SLC38A10: variants seen among roughly 807,000 people sequenced by gnomAD.
SLC38A10 encodes the protein Sodium-coupled neutral amino acid transporter 10.
In SLC38A10, 53 loss-of-function variants were observed where a neutral mutation model predicts 81.0. That is an observed-to-expected ratio of 0.65 (90% CI 0.53 to 0.82). The LOEUF (loss-of-function observed/expected upper bound fraction) is 0.82, where lower values mean the gene tolerates loss of function less well. Ranked by LOEUF, SLC38A10 falls within the 40% of genes least tolerant of loss-of-function variation. The pLI is 0.00. For synonymous variants in SLC38A10, 665 were observed against 655.3 expected (o/e 1.01, Z -0.23); for missense variants, 1,471 against 1,545.0 (o/e 0.95, Z 0.80).
chr17:81,252,159 G>T (rs931829722), intron 13 of SLC38A10, 36 bp downstream of exon 13: 1 of 1,491,558 alleles, frequency 6.7e-7, no homozygotes, highest in Non-Finnish European at 8.9e-7. Flanking sequence ...CCCAAGAGGG[G>T]AGTGTCTTCC....
Position 81,283,508 on chromosome 17 carries a change from C to G in SLC38A10, c.264-6G>C. 6.2e-7 allele frequency: 1 copy of G among 1,606,140 alleles called. No homozygotes were observed. The highest frequency in any genetic ancestry group is 8.5e-7 in the Non-Finnish European group (1 of 1,176,358). On this transcript the variant is annotated splice_polypyrimidine_tract_variant and splice_region_variant and intron_variant, in intron 3 of 15. Coordinates refer to ENST00000374759, the MANE Select transcript of SLC38A10 (RefSeq NM_001037984.3). The surrounding 1 kb of genome is among the most constrained non-coding windows in gnomAD (Gnocchi z 4.7). ...CCAGCATCAGCCCGATCATGCTGCA[C>G]AGGGACGGGGGGTACGGGAAATGCC...
rs1402235008 is a variant in SLC38A10, at chr17:81,281,922, T to C, written c.501+267A>G. Among the ~76,000 whole-genome samples, 1 of 152,122 alleles carries C rather than the reference T, an allele frequency of 6.6e-6. No homozygotes were observed. Among genetic ancestry groups the C allele is most frequent in the East Asian group, 1.9e-4 (1 of 5,190 alleles). On this transcript the variant is annotated intron_variant, in intron 5 of 15. Coordinates refer to ENST00000374759, the MANE Select transcript of SLC38A10 (RefSeq NM_001037984.3). This position sits in a 1 kb window ranked among gnomAD's most constrained non-coding sequence, Gnocchi z 5.3. ...TTTCCTTCACCTTGCCTGGACGACA[T>C]GAAACCAGCCTCAGAGCCACCCCTG...
intron 6 of SLC38A10, chr17:81,280,041 C>T (rs1438879800): frequency 1.5e-5 from 6 of 404,734 alleles, no homozygotes; most frequent in Non-Finnish European, 3.1e-5. Context: ...CGGATTTACG[C>T]CTCTCTTTTC....
intron 1 of SLC38A10, among the ~76,000 whole-genome samples, chr17:81,291,669 G>A (rs60955451): frequency 0.079 from 12,071 of 152,066 alleles, 661 homozygotes; most frequent in African/African-American, 0.13. Context: ...CCTGGGGCCC[G>A]GCCACTCCAC....
At chr17:81,254,517 G>A (rs1427029195) in intron 11 of SLC38A10, among the ~76,000 whole-genome samples, 3 of 152,086 alleles carry the variant, frequency 2.0e-5, no homozygotes, top group East Asian at 1.9e-4. Flanking sequence ...GCACAATTTC[G>A]GCTCACTGCA....
In SLC38A10 at chr17:81,245,741, G is replaced by C. The variant is rs554466989; in HGVS notation, c.3175C>G (p.His1059Asp). The stretch of plus-strand genomic sequence containing the variant: ...CTCGGGGCCAGCTGACCCTCTGCAT[G>C]AGGGCCAAGGTCCCGCCGTCGCCTC... ...LRRRRRDLGP[H>D]AEGQLAPRDG... The change falls in exon 16 of 16, where the codon CAT becomes GAT. Residue 1059 changes from histidine to aspartate, a missense_variant. Physicochemically the swap from His to Asp is moderately conservative, Grantham distance 81. Coordinates refer to ENST00000374759, the MANE Select transcript of SLC38A10 (RefSeq NM_001037984.3). 58 of 1,596,224 alleles carry C rather than the reference G, an allele frequency of 3.6e-5. 1 individual carries two copies. In the Middle Eastern group the frequency reaches 5.0e-4, roughly 14 times the overall value.
intron 10 of SLC38A10, among the ~76,000 whole-genome samples, chr17:81,261,741 G>A (rs558997153): frequency 7.9e-5 from 12 of 152,354 alleles, no homozygotes; most frequent in African/African-American, 1.4e-4. Flanking sequence ...GGGCTCCGCC[G>A]AAGGGAGCCC....
chr17:81,276,928 CA>C lies in SLC38A10; in HGVS notation c.729+102del. 1 of 1,186,714 alleles carries C rather than the reference CA, an allele frequency of 8.4e-7. No homozygotes were observed. The highest frequency in any genetic ancestry group is 1.2e-6 in the Non-Finnish European group (1 of 806,056). 73.5% of individuals were successfully genotyped at this position (1,186,714 alleles called of 1,614,324 possible). On this transcript the variant is annotated intron_variant, in intron 7 of 15. Transcript: ENST00000374759. This position sits in a 1 kb window ranked among gnomAD's most constrained non-coding sequence, Gnocchi z 4.7. ...GATGGGAACAGAGAGAAAAACCCAG[CA>C]GCACACAGGGCCAGGGCCATGCCTG...
chr17:81,290,403 G>C (rs1327676005), intron 1 of SLC38A10, among the ~76,000 whole-genome samples: 1 of 152,118 alleles, frequency 6.6e-6, no homozygotes. Flanking sequence ...TGGTCCATTC[G>C]AATAAGGGAA....
rs1567918976 is a variant in SLC38A10 at position 81,245,703 on chromosome 17, G to A, written c.3213C>T (p.Ile1071=). Residue 1071 remains isoleucine (I), a synonymous_variant, in exon 16 of 16, where the codon ATC becomes ATT. Transcript: ENST00000374759. The part of the protein sequence containing the change: ...EGQLAPRDGV[I]IGLNPLPDVQ... Reference sequence around the variant, plus strand: ...CATCAGGCAGGGGGTTAAGGCCAATGATGACCCCATCCCTCGGGGCCAGCT... The same window carrying A: ...CATCAGGCAGGGGGTTAAGGCCAATAATGACCCCATCCCTCGGGGCCAGCT... 4 of 507,312 alleles carry A rather than the reference G, an allele frequency of 7.9e-6. No homozygotes were observed. Among genetic ancestry groups the A allele is most frequent in the African/African-American group, 4.7e-5 (3 of 63,282 alleles). 31.4% of individuals were successfully genotyped at this position (507,312 alleles called of 1,614,324 possible).
At chr17:81,259,756 C>T (rs1350169878) in intron 11 of SLC38A10, among the ~76,000 whole-genome samples, 2 of 152,218 alleles carry the variant, frequency 1.3e-5, no homozygotes, top group Non-Finnish European at 2.9e-5. Context: ...CCTCCTGAAG[C>T]GGCCTGCAGC....
chr17:81,251,271 G>T (rs2062908926), intron 14 of SLC38A10: 1 of 1,474,992 alleles, frequency 6.8e-7, no homozygotes. Flanking sequence ...CGATGCCGCA[G>T]GTGTTTAAAG....
chr17:81,290,105 C>T (rs2063299025), intron 1 of SLC38A10, among the ~76,000 whole-genome samples: 1 of 152,232 alleles, frequency 6.6e-6, no homozygotes, highest in Non-Finnish European at 1.5e-5. Context: ...CCCTTGTTCT[C>T]TGCACACACC....
intron 11 of SLC38A10, among the ~76,000 whole-genome samples, chr17:81,257,421 G>A (rs770661922): frequency 2.2e-4 from 33 of 152,174 alleles, no homozygotes; most frequent in Middle Eastern, 3.2e-3. Flanking sequence ...TAGCTCCTTT[G>A]CTGTGTCCCC....
rs553934085 is a variant in SLC38A10 at position 81,295,151 on chromosome 17, G to A, written c.-230C>T. The A allele has an allele frequency of 6.7e-6, 4 of 598,126 alleles. No homozygotes were observed. In the South Asian group the frequency reaches 1.2e-4, roughly 18 times the overall value. 37.1% of individuals were successfully genotyped at this position (598,126 alleles called of 1,614,324 possible). On this transcript the variant is annotated 5_prime_UTR_variant, in exon 1 of 16. Coordinates refer to ENST00000374759, the MANE Select transcript of SLC38A10 (RefSeq NM_001037984.3). ...GGCTGCGGGGGCGAGGTCAACCTCC[G>A]GACCCCGCCAAGCCCTGCGGCCGCC... is the stretch of plus-strand genomic sequence containing the variant.
Position 81,294,956 on chromosome 17 carries a change from CG to C in SLC38A10, c.-36del. ...TCTAGGGGCCCGGGGCGAGAGGCCTCGGGGGTCGCCGGGCTGCGGCCGGCTT... is the reference window on the plus strand; with the variant it reads ...TCTAGGGGCCCGGGGCGAGAGGCCTCGGGGTCGCCGGGCTGCGGCCGGCTT... On this transcript the variant is annotated 5_prime_UTR_variant, in exon 1 of 16. Coordinates refer to ENST00000374759, the MANE Select transcript of SLC38A10 (RefSeq NM_001037984.3). The C allele has an allele frequency of 1.3e-6, 2 of 1,539,192 alleles. No individual in the cohort carries two copies. Among genetic ancestry groups the C allele is most frequent in the Non-Finnish European group, 8.7e-7 (1 of 1,145,920 alleles).
In SLC38A10 at chr17:81,265,750, G is replaced by A. The variant is rs1598391488; in HGVS notation, c.1131+5168C>T. Among the ~76,000 whole-genome samples the A allele has an allele frequency of 2.0e-5, 3 of 152,216 alleles. No homozygotes were observed. Among genetic ancestry groups the A allele is most frequent in the South Asian group, 4.1e-4 (2 of 4,834 alleles). On this transcript the variant is annotated intron_variant, in intron 10 of 15. Transcript: ENST00000374759. The surrounding 1 kb of genome is among the most constrained non-coding windows in gnomAD (Gnocchi z 4.2). Reference sequence around the variant, plus strand: ...ATGTGGCGCCACAGGCCCAGGGTACGGCCTTGCGGTGCTGACATCTCCGTA... The same window carrying A: ...ATGTGGCGCCACAGGCCCAGGGTACAGCCTTGCGGTGCTGACATCTCCGTA...
At chr17:81,246,708 C>A in intron 15 of SLC38A10, 35 bp from the exon 16 acceptor site, 1 of 1,506,102 alleles carries the variant, frequency 6.6e-7, no homozygotes, top group Non-Finnish European at 8.9e-7. Context: ...TTAGCCACAG[C>A]ACTGTACACA....
intron 8 of SLC38A10, among the ~76,000 whole-genome samples, chr17:81,273,715 G>A (rs1338998377): frequency 2.6e-5 from 4 of 152,190 alleles, no homozygotes; most frequent in Non-Finnish European, 4.4e-5. Flanking sequence ...CTTTACCTAT[G>A]ACATAGACCC....
Sources: allele counts gnomAD v4.1 joint callset (sites outside exome capture counted in the v4.1 genomes callset), GRCh38; gene constraint gnomAD v4.1.1; non-coding constraint Gnocchi (gnomAD v3.1); transcripts MANE v1.5; gene names NCBI Gene and HGNC (gene_info 2026-07-23, HGNC 2026-07-21).